Variants in SSBP1 observed in about 807,000 individuals in gnomAD.
SSBP1 encodes the protein single-stranded DNA-binding protein, mitochondrial.
SSBP1 carries 20 observed loss-of-function variants against 27.0 expected under a neutral mutation model. The observed-to-expected ratio is 0.74, with a 90% CI of 0.52 to 1.08. The LOEUF is 1.08. Among genes scored for constraint, SSBP1 ranks in the 50% least tolerant of loss-of-function variants. SSBP1 has a pLI of 0.00. For missense variants in SSBP1, 137 were observed against 182.4 expected, an observed-to-expected ratio of 0.75 and a Z score of 1.44; for synonymous variants, 59 against 59.3, an observed-to-expected ratio of 1.00 and a Z score of 0.02.
chr7:141,746,783 C>T (rs934487298), intron 6 of SSBP1, among the ~76,000 whole-genome samples: 4 of 152,052 alleles, frequency 2.6e-5, no homozygotes, highest in Non-Finnish European at 4.4e-5. Flanking sequence ...AAATAATATA[C>T]CCCTCTGGAT....
rs997069877 is a variant in SSBP1, at chr7:141,741,800, T to G, written c.25-369T>G. On this transcript the variant is annotated intron_variant, in intron 2 of 6. Transcript: ENST00000265304. ...CTTGGCAGCAACTCTTAGGTACAGG[T>G]TGGATTTACAAATATTATCATACTC... 3.0e-6 allele frequency: 3 copies of G among 1,012,554 alleles called. No individual in the cohort carries two copies. In the African/African-American group the frequency reaches 5.1e-5, roughly 17 times the overall value. 62.7% of individuals were successfully genotyped at this position (1,012,554 alleles called of 1,614,324 possible).
At chr7:141,741,788 C>G in intron 2 of SSBP1, 1 of 1,005,118 alleles carries the variant, frequency 9.9e-7, no homozygotes, top group Non-Finnish European at 1.2e-6. Flanking sequence ...GGCAGCAACT[C>G]TTAGGTACAG....
intron 4 of SSBP1, 94 bp downstream of exon 4, chr7:141,743,795 A>G: frequency 6.5e-7 from 1 of 1,538,580 alleles, no homozygotes; most frequent in South Asian, 1.2e-5. Flanking sequence ...CACTTTAAAC[A>G]AGATCTGTCT....
Position 141,738,361 on chromosome 7 carries a change from C to CGCCGGAAGTGATCCCCTGCGT in SSBP1, c.-91_-71dup, listed in dbSNP as rs1799359528. ...TCTGGCGAGCTTTGCGTTCCCTGTG[C>CGCCGGAAGTGATCCCCTGCGT]GCCGGAAGTGATCCCCTGCGTGGCT... On this transcript the variant is annotated 5_prime_UTR_variant, in exon 1 of 7. Transcript: ENST00000265304. The CGCCGGAAGTGATCCCCTGCGT allele has an allele frequency of 6.6e-6, 1 of 152,314 alleles. No homozygotes were observed. The allele number at this position is 152,314 out of a possible 1,614,324, so 9.4% of individuals were successfully genotyped here.
At chr7:141,745,620 T>C (rs759308172) in intron 6 of SSBP1, 36 bp downstream of exon 6, 19 of 1,611,528 alleles carry the variant, frequency 1.2e-5, no homozygotes, top group Non-Finnish European at 1.6e-5. Flanking sequence ...TTTTTTCTTT[T>C]TCTCCTTTTC....
chr7:141,749,747 A>C (rs945082494), intron 6 of SSBP1, among the ~76,000 whole-genome samples: 60 of 152,182 alleles, frequency 3.9e-4, no homozygotes, highest in African/African-American at 1.4e-3. Flanking sequence ...GCACCACTTC[A>C]CTCCAGCCTG....
intron 3 of SSBP1, among the ~76,000 whole-genome samples, chr7:141,742,638 A>G (rs778059964): frequency 4.6e-5 from 7 of 152,182 alleles, no homozygotes; most frequent in Admixed American, 1.3e-4. Context: ...GATATCTTAA[A>G]GAATTTAAGA....
At chr7:141,739,667 A>G (rs1407237373) in intron 2 of SSBP1, 1 of 152,364 alleles carries the variant, frequency 6.6e-6, no homozygotes, top group Non-Finnish European at 1.5e-5. Flanking sequence ...TCCACTTAGT[A>G]TGGGTCCTCA....
chr7:141,744,102 T>C, intron 5 of SSBP1, 113 bp downstream of exon 5: 1 of 859,090 alleles, frequency 1.2e-6, no homozygotes, highest in African/African-American at 1.7e-5. Flanking sequence ...TACTAATGAC[T>C]GTATTAATTT....
chr7:141,744,232 G>A (rs1799680073), intron 5 of SSBP1, among the ~76,000 whole-genome samples: 1 of 152,162 alleles, frequency 6.6e-6, no homozygotes, highest in African/African-American at 2.4e-5. Flanking sequence ...GGGCAAACAG[G>A]GTGTGTACAT....
chr7:141,739,927 GAAA>G (rs1301865041), intron 2 of SSBP1: 1 of 152,154 alleles, frequency 6.6e-6, no homozygotes, highest in East Asian at 1.9e-4. Flanking sequence ...TGTGAAACAT[GAAA>G]AAGTTATTGC....
At chr7:141,742,970 T>C (rs1799605778) in intron 3 of SSBP1, among the ~76,000 whole-genome samples, 1 of 152,216 alleles carries the variant, frequency 6.6e-6, no homozygotes, top group South Asian at 2.1e-4. Context: ...TTCTCCTGCC[T>C]CAGCCTTCCA....
intron 5 of SSBP1, among the ~76,000 whole-genome samples, 184 bp downstream of exon 5, chr7:141,744,173 T>A (rs1264900380): frequency 1.4e-5 from 2 of 145,894 alleles, no homozygotes; most frequent in African/African-American, 2.8e-5. Context: ...TGTGACTAAT[T>A]TGAAGATATA....
chr7:141,749,539 T>G (rs1799894279), intron 6 of SSBP1, among the ~76,000 whole-genome samples: 1 of 152,200 alleles, frequency 6.6e-6, no homozygotes. Flanking sequence ...CCCAGCACTT[T>G]GGGAGGCCAA....
chr7:141,748,563 A>G (rs1799865070), intron 6 of SSBP1, among the ~76,000 whole-genome samples: 2 of 152,208 alleles, frequency 1.3e-5, no homozygotes, highest in African/African-American at 2.4e-5. Context: ...TGTGGGTCCC[A>G]ATATAAACCA....
intron 2 of SSBP1, chr7:141,740,435 G>A (rs75251462): frequency 1.3e-5 from 2 of 152,198 alleles, no homozygotes; most frequent in Non-Finnish European, 2.9e-5. Flanking sequence ...AGAGGGCTTC[G>A]GGAAAGCAGT....
chr7:141,742,057 T>G, intron 2 of SSBP1, 112 bp from the exon 3 acceptor site: 1 of 802,856 alleles, frequency 1.2e-6, no homozygotes, highest in Non-Finnish European at 2.0e-6. Context: ...TCTTCTCTTC[T>G]GGAATTTTCA....
chr7:141,740,532 A>G (rs1799487322), intron 2 of SSBP1: 1 of 152,166 alleles, frequency 6.6e-6, no homozygotes. Context: ...AGTCTCTCTG[A>G]GGTGTTTTCT....
chr7:141,749,051 T>C (rs1438844462), intron 6 of SSBP1, among the ~76,000 whole-genome samples: 1 of 152,186 alleles, frequency 6.6e-6, no homozygotes, highest in African/African-American at 2.4e-5. Flanking sequence ...CCCTTGTTTC[T>C]GCATCTGTGG....
Sources: gnomAD v4.1 joint callset for allele counts (sites outside exome capture counted in the v4.1 genomes callset) on GRCh38, gnomAD v4.1.1 for gene constraint, MANE v1.5 for transcripts, NCBI Gene and HGNC (gene_info 2026-07-23, HGNC 2026-07-21) for gene names.